The following ASTN2 variants were observed in gnomAD, a reference collection of about 807,000 sequenced individuals.
ASTN2 encodes astrotactin 2.
ASTN2 carries 54 observed loss-of-function variants against 139.8 expected under a neutral mutation model. The ratio of observed to expected loss-of-function variants is 0.39; its 90% CI spans 0.31 to 0.48. ASTN2 has a LOEUF of 0.48. ASTN2 is among the 20% of genes least tolerant of loss of function. ASTN2 has a pLI of 0.95. For missense variants in ASTN2, 1,565 were observed against 1,725.1 expected (o/e 0.91, Z 1.64); for synonymous variants, 756 against 719.5 (o/e 1.05, Z -0.81).
At chr9:116,666,884 T>C (rs1032951272) in intron 16 of ASTN2, among the ~76,000 whole-genome samples, 2 of 151,244 alleles carry the variant, frequency 1.3e-5, no homozygotes, top group African/African-American at 4.8e-5. Flanking sequence ...GGAACTATTA[T>C]AGATTAAAAG....
intron 16 of ASTN2, chr9:116,697,682 G>T: frequency 6.2e-7 from 1 of 1,604,676 alleles, no homozygotes; most frequent in East Asian, 2.2e-5. Context: ...ACCCTCTAGG[G>T]CATGAATACT....
intron 2 of ASTN2, among the ~76,000 whole-genome samples, chr9:117,242,614 G>C (rs936229956): frequency 2.6e-5 from 4 of 152,248 alleles, no homozygotes; most frequent in African/African-American, 9.6e-5. Flanking sequence ...GAGACATCAT[G>C]GAGGGTTTAG....
intron 5 of ASTN2, among the ~76,000 whole-genome samples, chr9:117,059,071 G>A (rs924913300): frequency 2.6e-5 from 4 of 152,174 alleles, no homozygotes; most frequent in African/African-American, 9.7e-5. Flanking sequence ...AAGGGAGAAG[G>A]GTATCCTGCC....
chr9:116,447,018 T>C (rs191672799), intron 20 of ASTN2, among the ~76,000 whole-genome samples: 1 of 152,152 alleles, frequency 6.6e-6, no homozygotes, highest in East Asian at 1.9e-4. Flanking sequence ...TGGAACCCCC[T>C]CATTTGAGCT....
chr9:117,091,824 A>C (rs1340555341), intron 5 of ASTN2, among the ~76,000 whole-genome samples: 1 of 152,184 alleles, frequency 6.6e-6, no homozygotes, highest in African/African-American at 2.4e-5. Context: ...TAAGAGGAGA[A>C]ACAACATGAT....
intron 1 of ASTN2, among the ~76,000 whole-genome samples, chr9:117,351,535 C>A (rs1302183777): frequency 1.3e-5 from 2 of 152,146 alleles, no homozygotes; most frequent in East Asian, 1.9e-4. Context: ...CCCCAGGAAA[C>A]CTTGCCTGAC....
intron 19 of ASTN2, among the ~76,000 whole-genome samples, chr9:116,577,288 G>A (rs1853759807): frequency 6.6e-6 from 1 of 152,154 alleles, no homozygotes; most frequent in African/African-American, 2.4e-5. Context: ...CAGCATTTTG[G>A]GTAGTCAAGG....
intron 5 of ASTN2, among the ~76,000 whole-genome samples, chr9:117,049,328 C>T (rs1277173264): frequency 6.6e-6 from 1 of 151,962 alleles, no homozygotes; most frequent in Non-Finnish European, 1.5e-5. Context: ...CTTAAAGCAC[C>T]CAAGTATATA....
At chr9:117,137,874 GT>G (rs1256700475) in intron 4 of ASTN2, among the ~76,000 whole-genome samples, 1 of 152,150 alleles carries the variant, frequency 6.6e-6, no homozygotes, top group Non-Finnish European at 1.5e-5. Flanking sequence ...TGATTAAGCT[GT>G]TTTGGAAATT....
At position 116,461,420 on chromosome 9, in the gene ASTN2, G is replaced by A. The variant is rs867625616; in HGVS notation, c.3498-18867C>T. Among the ~76,000 whole-genome samples, 4 of 151,552 alleles carry A rather than the reference G, an allele frequency of 2.6e-5. No individual in the cohort carries two copies. In the East Asian group the frequency reaches 5.8e-4, roughly 22 times the overall value. ...TACACATATTTATATACATGTATAC[G>A]CATATATATATGTACACATATATAG... On this transcript the variant is annotated intron_variant, in intron 20 of 22. Transcript: ENST00000313400.
chr9:116,957,010 T>G (rs779526372), intron 10 of ASTN2, among the ~76,000 whole-genome samples: 3 of 151,976 alleles, frequency 2.0e-5, no homozygotes, highest in Non-Finnish European at 2.9e-5. Context: ...CCCACAAGGA[T>G]GTACTGATTC....
At chr9:117,102,210 A>G (rs1366045513) in intron 4 of ASTN2, among the ~76,000 whole-genome samples, 1 of 152,252 alleles carries the variant, frequency 6.6e-6, no homozygotes. Context: ...ATAAAAAGGA[A>G]TACTGATACA....
chr9:116,772,741 C>T (rs2132188128), intron 13 of ASTN2, among the ~76,000 whole-genome samples: 1 of 152,294 alleles, frequency 6.6e-6, no homozygotes, highest in African/African-American at 2.4e-5. Flanking sequence ...GCTCTCTTCT[C>T]CTTACACCAG....
chr9:117,113,658 AAAAAC>A, intron 4 of ASTN2, among the ~76,000 whole-genome samples: 1 of 134,598 alleles, frequency 7.4e-6, no homozygotes, highest in African/African-American at 3.1e-5. Context: ...CTTCGTCTCA[AAAAAC>A]AAAACAAAAC....
intron 11 of ASTN2, among the ~76,000 whole-genome samples, chr9:116,844,378 T>C (rs1016155578): frequency 1.3e-5 from 2 of 152,216 alleles, no homozygotes; most frequent in African/African-American, 4.8e-5. Context: ...GGGACTGTAA[T>C]ACACACAGCT....
chr9:117,132,864 A>T (rs1209674978), intron 4 of ASTN2, among the ~76,000 whole-genome samples: 1 of 152,200 alleles, frequency 6.6e-6, no homozygotes, highest in Non-Finnish European at 1.5e-5. Flanking sequence ...TCCAGGATGC[A>T]ACAAATCTAC....
intron 2 of ASTN2, among the ~76,000 whole-genome samples, chr9:117,255,515 G>A (rs1833660368): frequency 6.6e-6 from 1 of 152,204 alleles, no homozygotes; most frequent in Non-Finnish European, 1.5e-5. Flanking sequence ...AACTTGGGTT[G>A]ATTAAACTGC....
chr9:116,711,004 C>T (rs1275139448), intron 16 of ASTN2, among the ~76,000 whole-genome samples: 3 of 152,114 alleles, frequency 2.0e-5, no homozygotes, highest in African/African-American at 7.2e-5. Flanking sequence ...TATTACCTTG[C>T]CTGATCCAAG....
chr9:117,090,046 G>T (rs1214885275), intron 5 of ASTN2, among the ~76,000 whole-genome samples: 1 of 152,170 alleles, frequency 6.6e-6, no homozygotes, highest in East Asian at 1.9e-4. Flanking sequence ...ACAGGTGAGG[G>T]TAACATATCA....
Sources: gnomAD v4.1 joint callset for allele counts (sites outside exome capture counted in the v4.1 genomes callset) on GRCh38, gnomAD v4.1.1 for gene constraint, MANE v1.5 for transcripts, NCBI Gene and HGNC (gene_info 2026-07-23, HGNC 2026-07-21) for gene names.